Variants in ST6GALNAC5 observed in about 807,000 individuals in gnomAD.
ST6GALNAC5 encodes ST6 N-acetylgalactosaminide alpha-2,6-sialyltransferase 5.
Under a neutral mutation model 33.6 loss-of-function variants are expected in ST6GALNAC5, and 27 were observed. The ratio of observed to expected loss-of-function variants is 0.80; its 90% CI spans 0.59 to 1.11. The LOEUF (loss-of-function observed/expected upper bound fraction) is 1.11, where lower values mean the gene tolerates loss of function less well. Among genes scored for constraint, ST6GALNAC5 ranks in the 50% least tolerant of loss-of-function variants. ST6GALNAC5 has a pLI of 0.00. For synonymous variants in ST6GALNAC5, 194 were observed against 171.2 expected (o/e 1.13, Z -1.04); for missense variants, 428 against 454.0 (o/e 0.94, Z 0.52).
In ST6GALNAC5 at chr1:77,044,318, G is replaced by A. The variant is rs144853725; in HGVS notation, c.376G>A (p.Ala126Thr). The A allele has an allele frequency of 3.3e-5, 53 of 1,613,950 alleles. No homozygotes were observed. The highest frequency in any genetic ancestry group is 4.0e-5 in the Non-Finnish European group (47 of 1,180,028). Residue 126 changes from alanine to threonine, a missense_variant, in exon 3 of 5, where the codon GCC (alanine) becomes ACC (threonine). Ala to Thr is a moderately conservative substitution (Grantham distance 58). Transcript: ENST00000477717. ...AGAGTGTGTCATCCGCATGAATGAC[G>A]CCCCCACACGCGGCTATGGGCGTGA... ...QTECVIRMND[A>T]PTRGYGRDVG...
At chr1:76,893,004 T>G (rs1654046403) in intron 2 of ST6GALNAC5, among the ~76,000 whole-genome samples, 1 of 152,178 alleles carries the variant, frequency 6.6e-6, no homozygotes, top group Non-Finnish European at 1.5e-5. Flanking sequence ...TTCACCTCTG[T>G]AGGCCCAAGA....
intron 2 of ST6GALNAC5, among the ~76,000 whole-genome samples, chr1:76,941,458 G>A (rs79571786): frequency 0.02 from 3,079 of 152,088 alleles, 48 homozygotes; most frequent in Non-Finnish European, 0.029. Context: ...TGCTACAGTG[G>A]GTGGCTCCCC....
rs191899115 is a variant in ST6GALNAC5, at chr1:76,895,644, G to T, written c.261+26902G>T. 4.2e-4 allele frequency among the ~76,000 whole-genome samples: 64 copies of T among 152,250 alleles called. 1 individual carries two copies. The highest frequency in any genetic ancestry group is 1.4e-3 in the African/African-American group (57 of 41,534). The stretch of plus-strand genomic sequence containing the variant: ...TTATTTACTTCAAGAGTTAAGAGTG[G>T]CAGTTTGGGGATAGCACCAGGAGAT... On this transcript the variant is annotated intron_variant, in intron 2 of 4. Coordinates refer to ENST00000477717, the MANE Select transcript of ST6GALNAC5 (RefSeq NM_030965.3).
intron 2 of ST6GALNAC5, among the ~76,000 whole-genome samples, chr1:76,910,501 G>A (rs113783997): frequency 2.6e-5 from 4 of 151,942 alleles, no homozygotes; most frequent in African/African-American, 9.7e-5. Flanking sequence ...TAGATAAGAG[G>A]TTTCATGTTT....
chr1:76,981,050 C>T (rs986261616), intron 2 of ST6GALNAC5, among the ~76,000 whole-genome samples: 6 of 152,004 alleles, frequency 3.9e-5, no homozygotes, highest in Non-Finnish European at 7.4e-5. Context: ...GGAACAGCTT[C>T]GGTCTGCATC....
rs898787802 is a variant in ST6GALNAC5 at position 76,972,750 on chromosome 1, C to T, written c.262-71454C>T. On this transcript the variant is annotated intron_variant, in intron 2 of 4. Transcript: ENST00000477717. ...TCATCTTGATAGATAATGTCACTTG[C>T]CCTCCATATGGGTTATACCATTTTG... Among the ~76,000 whole-genome samples, 3 of 152,056 alleles carry T rather than the reference C, an allele frequency of 2.0e-5. No individual in the cohort carries two copies. The East Asian group carries it at 5.8e-4, about 29-fold the overall frequency.
In ST6GALNAC5 at chr1:77,067,012, T is replaced by C. The variant is rs1433697056; in HGVS notation, c.*3806T>C. Among the ~76,000 whole-genome samples, 10 of 152,292 alleles carry C rather than the reference T, an allele frequency of 6.6e-5. No individual in the cohort carries two copies. The highest frequency in any genetic ancestry group is 3.3e-4 in the Admixed American group (5 of 15,294). Reference sequence around the variant, plus strand: ...ACAAGGTACTTCAGAAGTACCATTATGGTTTGCCCAGGGCCAAGTGGGGAG... The same window carrying C: ...ACAAGGTACTTCAGAAGTACCATTACGGTTTGCCCAGGGCCAAGTGGGGAG... On this transcript the variant is annotated 3_prime_UTR_variant, in exon 5 of 5. Transcript: ENST00000477717.
intron 2 of ST6GALNAC5, among the ~76,000 whole-genome samples, chr1:77,035,570 A>G (rs1038627216): frequency 6.6e-6 from 1 of 152,186 alleles, no homozygotes; most frequent in Admixed American, 6.5e-5. Context: ...TTGGAGCCCA[A>G]TAGAATCACT....
At position 76,942,976 on chromosome 1, in the gene ST6GALNAC5, T is replaced by C. The variant is rs980559883; in HGVS notation, c.261+74234T>C. 1.3e-4 allele frequency among the ~76,000 whole-genome samples: 20 copies of C among 152,116 alleles called. 1 individual carries two copies. The highest frequency in any genetic ancestry group is 4.8e-4 in the African/African-American group (20 of 41,448). ...CATAACAAATTCCATGAAAAACAACTCTATGTCCTCCCTAAGTGATAACAA... is the reference window on the plus strand; with the variant it reads ...CATAACAAATTCCATGAAAAACAACCCTATGTCCTCCCTAAGTGATAACAA... On this transcript the variant is annotated intron_variant, in intron 2 of 4. Transcript: ENST00000477717.
At chr1:76,892,333 C>T (rs1272737869) in intron 2 of ST6GALNAC5, among the ~76,000 whole-genome samples, 1 of 152,168 alleles carries the variant, frequency 6.6e-6, no homozygotes, top group Admixed American at 6.5e-5. Flanking sequence ...GCAGCAACAC[C>T]TTAAGATAGA....
At chr1:76,984,624 T>C (rs1280636293) in intron 2 of ST6GALNAC5, among the ~76,000 whole-genome samples, 2 of 152,166 alleles carry the variant, frequency 1.3e-5, no homozygotes, top group African/African-American at 4.8e-5. Context: ...GAAAGTATTC[T>C]AATCAATAGA....
chr1:76,879,504 C>T (rs1653728119), intron 2 of ST6GALNAC5, among the ~76,000 whole-genome samples: 1 of 152,130 alleles, frequency 6.6e-6, no homozygotes, highest in Non-Finnish European at 1.5e-5. Context: ...TCAAGTGTAG[C>T]ACACCTCCTA....
chr1:77,053,692 C>A (rs115149299), intron 4 of ST6GALNAC5, among the ~76,000 whole-genome samples: 5 of 152,024 alleles, frequency 3.3e-5, no homozygotes, highest in Non-Finnish European at 5.9e-5. Context: ...AGAGTTTATA[C>A]GATAATTGCA....
intron 2 of ST6GALNAC5, among the ~76,000 whole-genome samples, chr1:76,886,021 C>CAT (rs1275208201): frequency 6.6e-6 from 1 of 152,214 alleles, no homozygotes; most frequent in African/African-American, 2.4e-5. Context: ...GTCCTTTGTA[C>CAT]ATATGCAGCC....
intron 2 of ST6GALNAC5, among the ~76,000 whole-genome samples, chr1:77,035,350 G>A (rs1349089956): frequency 6.6e-6 from 1 of 152,144 alleles, no homozygotes; most frequent in South Asian, 2.1e-4. Context: ...CCCAGCTACT[G>A]CTCACTCTGT....
At chr1:77,057,951 T>A (rs997763388) in intron 4 of ST6GALNAC5, among the ~76,000 whole-genome samples, 4 of 152,210 alleles carry the variant, frequency 2.6e-5, no homozygotes, top group African/African-American at 9.6e-5. Flanking sequence ...GAATTGCACA[T>A]GAGCACAAAG....
intron 2 of ST6GALNAC5, among the ~76,000 whole-genome samples, chr1:76,924,579 C>T (rs773622098): frequency 6.6e-6 from 1 of 152,120 alleles, no homozygotes; most frequent in Non-Finnish European, 1.5e-5. Flanking sequence ...ATGACAACTT[C>T]GCTGAAGAAT....
intron 2 of ST6GALNAC5, among the ~76,000 whole-genome samples, chr1:76,924,754 C>T (rs1647068771): frequency 6.6e-6 from 1 of 152,112 alleles, no homozygotes; most frequent in Admixed American, 6.5e-5. Context: ...TAACCAAAAG[C>T]TTCCAAGAAA....
At chr1:76,872,644 A>G (rs1346871132) in intron 2 of ST6GALNAC5, among the ~76,000 whole-genome samples, 7 of 152,234 alleles carry the variant, frequency 4.6e-5, no homozygotes, top group East Asian at 3.8e-4. Context: ...TTTTAAAATT[A>G]TGGGATGAGT....
Sources: gnomAD v4.1 joint callset for allele counts (sites outside exome capture counted in the v4.1 genomes callset) on GRCh38, gnomAD v4.1.1 for gene constraint, MANE v1.5 for transcripts, NCBI Gene and HGNC (gene_info 2026-07-23, HGNC 2026-07-21) for gene names.